The following MYO5B variants were observed in gnomAD, a reference collection of about 807,000 sequenced individuals.
MYO5B encodes myosin VB, also known as unconventional myosin-Vb.
In MYO5B, 143 loss-of-function variants were observed where a neutral mutation model predicts 229.3. That is an observed-to-expected ratio of 0.62 (90% CI 0.54 to 0.72). MYO5B has a LOEUF of 0.72. Ranked by LOEUF, MYO5B falls within the 30% of genes least tolerant of loss-of-function variation. The pLI, the probability that MYO5B is intolerant of heterozygous loss-of-function variation, is 0.00. For missense variants in MYO5B, 2,321 were observed against 2,331.0 expected, an observed-to-expected ratio of 1.00 and a Z score of 0.09; for synonymous variants, 918 against 885.2, an observed-to-expected ratio of 1.04 and a Z score of -0.66.
chr18:50,100,990 G>A (rs535563496), intron 1 of MYO5B, among the ~76,000 whole-genome samples: 2 of 152,184 alleles, frequency 1.3e-5, no homozygotes, highest in African/African-American at 4.8e-5. Context: ...ACAGGTCCGG[G>A]GAAGGGAAAT....
chr18:50,177,063 C>A (rs1412460463), intron 1 of MYO5B, among the ~76,000 whole-genome samples: 1 of 152,130 alleles, frequency 6.6e-6, no homozygotes. Flanking sequence ...TCACATGACA[C>A]CATTGGTTAA....
At chr18:50,106,442 T>A (rs1280492083) in intron 1 of MYO5B, among the ~76,000 whole-genome samples, 13 of 152,274 alleles carry the variant, frequency 8.5e-5, no homozygotes, top group African/African-American at 2.6e-4. Flanking sequence ...CATCTGGCCT[T>A]CATCATCTGG....
intron 1 of MYO5B, among the ~76,000 whole-genome samples, chr18:50,082,649 T>C (rs2031245994): frequency 6.6e-6 from 1 of 152,198 alleles, no homozygotes; most frequent in Admixed American, 6.5e-5. Flanking sequence ...CTCAATTCTA[T>C]TCATGGATAT....
chr18:50,157,482 G>A lies in MYO5B; in HGVS notation c.27+37285C>T, dbSNP rs77558680. On this transcript the variant is annotated intron_variant, in intron 1 of 39. Transcript: ENST00000285039. Reference sequence around the variant, plus strand: ...GCTCCCCTATAATTTCTAACAGTCCGATCCCTTTGACCTTTCTTCCAGTTC... The same window carrying A: ...GCTCCCCTATAATTTCTAACAGTCCAATCCCTTTGACCTTTCTTCCAGTTC... 3.8e-3 allele frequency among the ~76,000 whole-genome samples: 577 copies of A among 152,130 alleles called. 1 individual carries two copies. The highest frequency in any genetic ancestry group is 0.012 in the African/African-American group (508 of 41,474).
chr18:49,904,620 G>A (rs976585639), intron 20 of MYO5B, 52 bp downstream of exon 20: 2 of 1,610,708 alleles, frequency 1.2e-6, no homozygotes, highest in Non-Finnish European at 1.7e-6. Context: ...TTCATCTGTT[G>A]CCACTTTAGT....
intron 14 of MYO5B, among the ~76,000 whole-genome samples, chr18:49,940,567 T>A (rs1360962088): frequency 6.6e-6 from 1 of 152,190 alleles, no homozygotes; most frequent in Non-Finnish European, 1.5e-5. Context: ...CATCAGCAAC[T>A]ACCCAGGTCA....
At chr18:49,856,994 G>GA (rs2024270870) in intron 29 of MYO5B, 104 bp from the exon 30 acceptor site, 4 of 962,166 alleles carry the variant, frequency 4.2e-6, no homozygotes, top group Non-Finnish European at 6.6e-6. Flanking sequence ...GTTTGGAAAC[G>GA]AAAAAAAGGC....
At chr18:49,843,974 C>T (rs2024094799) in intron 33 of MYO5B, among the ~76,000 whole-genome samples, 1 of 152,242 alleles carries the variant, frequency 6.6e-6, no homozygotes, top group Non-Finnish European at 1.5e-5. Flanking sequence ...CCAAATAGAT[C>T]AGGCAGGCCC....
chr18:49,991,473 T>G (rs2025931633), intron 6 of MYO5B, among the ~76,000 whole-genome samples: 1 of 152,092 alleles, frequency 6.6e-6, no homozygotes, highest in African/African-American at 2.4e-5. Context: ...CTATCGGCGT[T>G]GTGAGTTGCA....
chr18:50,034,481 C>T (rs981550737), intron 4 of MYO5B, among the ~76,000 whole-genome samples: 24 of 152,176 alleles, frequency 1.6e-4, no homozygotes, highest in Admixed American at 1.2e-3. Flanking sequence ...TGGTGGCTCA[C>T]GCCTGTAATC....
intron 1 of MYO5B, among the ~76,000 whole-genome samples, chr18:50,118,443 T>A (rs2032001946): frequency 6.6e-6 from 1 of 152,226 alleles, no homozygotes; most frequent in Admixed American, 6.5e-5. Context: ...GTAGTTCATA[T>A]GCATGCCCAA....
chr18:49,995,257 C>CTTT (rs34197598), intron 5 of MYO5B, among the ~76,000 whole-genome samples: 57 of 137,504 alleles, frequency 4.1e-4, no homozygotes, highest in African/African-American at 1.2e-3. Context: ...CACTTATATC[C>CTTT]TTTTTTTTTT....
At chr18:50,146,886 TG>T (rs1300244561) in intron 1 of MYO5B, among the ~76,000 whole-genome samples, 1 of 152,168 alleles carries the variant, frequency 6.6e-6, no homozygotes, top group Non-Finnish European at 1.5e-5. Context: ...CTTCTGGAAG[TG>T]GGGGTAGAGA....
chr18:49,987,569 A>C (rs1568060136), intron 7 of MYO5B, among the ~76,000 whole-genome samples: 1 of 152,160 alleles, frequency 6.6e-6, no homozygotes, highest in African/African-American at 2.4e-5. Flanking sequence ...AGATTGGATC[A>C]GGCAGTCAAA....
At chr18:49,976,729 C>T (rs914481716) in intron 9 of MYO5B, among the ~76,000 whole-genome samples, 37 of 152,306 alleles carry the variant, frequency 2.4e-4, no homozygotes, top group African/African-American at 8.9e-4. Context: ...GAGAAGCCCC[C>T]ATCTTTTCAC....
intron 4 of MYO5B, among the ~76,000 whole-genome samples, chr18:50,035,441 T>G (rs2026437984): frequency 6.6e-6 from 1 of 151,652 alleles, no homozygotes; most frequent in Admixed American, 6.6e-5. Context: ...TGTTCTCACA[T>G]GAAGTGCATG....
At chr18:50,009,605 G>A (rs1462568997) in intron 4 of MYO5B, among the ~76,000 whole-genome samples, 1 of 152,154 alleles carries the variant, frequency 6.6e-6, no homozygotes, top group Non-Finnish European at 1.5e-5. Flanking sequence ...GGGGAGCAGA[G>A]GTAGGTTAAG....
intron 17 of MYO5B, among the ~76,000 whole-genome samples, chr18:49,925,529 T>A (rs2144187447): frequency 6.6e-6 from 1 of 152,346 alleles, no homozygotes; most frequent in East Asian, 1.9e-4. Context: ...ATTCTATAGT[T>A]TGACTCTTTT....
intron 5 of MYO5B, among the ~76,000 whole-genome samples, chr18:49,994,082 TC>T (rs2025961166): frequency 6.6e-6 from 1 of 152,172 alleles, no homozygotes; most frequent in African/African-American, 2.4e-5. Context: ...AGTCGACTCA[TC>T]TTCCTTCAGG....
Sources: gnomAD v4.1 joint callset for allele counts (sites outside exome capture counted in the v4.1 genomes callset) on GRCh38, gnomAD v4.1.1 for gene constraint, MANE v1.5 for transcripts, NCBI Gene and HGNC (gene_info 2026-07-23, HGNC 2026-07-21) for gene names.